PCMTD2: variants seen among roughly 807,000 people sequenced by gnomAD.
PCMTD2 encodes protein-L-isoaspartate O-methyltransferase domain-containing protein 2.
PCMTD2 carries 16 observed loss-of-function variants against 33.4 expected under a neutral mutation model. The ratio of observed to expected loss-of-function variants is 0.48; its 90% CI spans 0.32 to 0.73. The LOEUF (loss-of-function observed/expected upper bound fraction) is 0.73. PCMTD2 is among the 30% of genes least tolerant of loss of function. The probability of loss-of-function intolerance (pLI) is 0.03; values close to 1 mark genes in which losing one functional copy is unlikely to be tolerated. For missense variants in PCMTD2, 374 were observed against 449.9 expected (o/e 0.83, Z 1.53); for synonymous variants, 161 against 160.8 (o/e 1.00, Z -0.01).
At chr20:64,264,816 C>T (rs1025006289) in intron 3 of PCMTD2, among the ~76,000 whole-genome samples, 1 of 152,170 alleles carries the variant, frequency 6.6e-6, no homozygotes. Context: ...TTGCATTTGT[C>T]TCTAAACAGT....
intron 5 of PCMTD2, among the ~76,000 whole-genome samples, chr20:64,272,742 C>T (rs894108303): frequency 6.6e-6 from 1 of 152,164 alleles, no homozygotes; most frequent in Non-Finnish European, 1.5e-5. Context: ...ATCACTTGAA[C>T]CCAGGAGACG....
At chr20:64,269,786 T>G (rs1985811435) in intron 5 of PCMTD2, among the ~76,000 whole-genome samples, 1 of 147,850 alleles carries the variant, frequency 6.8e-6, no homozygotes, top group Non-Finnish European at 1.5e-5. Flanking sequence ...GTAATGTGTG[T>G]GTGGGTGTGC....
rs1014388435 is a variant in PCMTD2 at position 64,275,027 on chromosome 20, T to G, written c.*1427T>G. 2 of 152,224 alleles carry G rather than the reference T, an allele frequency of 1.3e-5. No individual in the cohort carries two copies. Among genetic ancestry groups the G allele is most frequent in the African/African-American group, 4.8e-5 (2 of 41,458 alleles). 9.4% of individuals were successfully genotyped at this position (152,224 alleles called of 1,614,324 possible). A position where few individuals can be genotyped will look rare whatever the true frequency, so the allele number is the denominator to read the frequency against. On this transcript the variant is annotated 3_prime_UTR_variant, in exon 6 of 6. Transcript: ENST00000308824. ...TTGGGAGTTGCTGGGCTTCAGTGTCTCTGTGGTTTCACCAGCTTAGCTTGA... is the reference window on the plus strand; with the variant it reads ...TTGGGAGTTGCTGGGCTTCAGTGTCGCTGTGGTTTCACCAGCTTAGCTTGA...
At chr20:64,261,128 G>A (rs962737111) in intron 2 of PCMTD2, among the ~76,000 whole-genome samples, 1 of 152,160 alleles carries the variant, frequency 6.6e-6, no homozygotes, top group African/African-American at 2.4e-5. Context: ...ATGGAAATAT[G>A]GCTATTTTTA....
At chr20:64,259,354 T>C (rs1294665370) in intron 1 of PCMTD2, among the ~76,000 whole-genome samples, 2 of 151,826 alleles carry the variant, frequency 1.3e-5, no homozygotes, top group African/African-American at 4.8e-5. Context: ...AGATGTAATA[T>C]AGGACACCAC....
At chr20:64,261,904 A>G (rs1465954323) in intron 2 of PCMTD2, among the ~76,000 whole-genome samples, 1 of 152,212 alleles carries the variant, frequency 6.6e-6, no homozygotes, top group Non-Finnish European at 1.5e-5. Flanking sequence ...CAAGCTGACT[A>G]GATTAGAAAT....
Position 64,275,235 on chromosome 20 carries a change from A to G in PCMTD2, c.*1635A>G, listed in dbSNP as rs1986062542. 2.6e-5 allele frequency: 4 copies of G among 152,328 alleles called. No homozygotes were observed. The highest frequency in any genetic ancestry group is 9.6e-5 in the African/African-American group (4 of 41,574). The allele number at this position is 152,328 out of a possible 1,614,324, so 9.4% of individuals were successfully genotyped here. On this transcript the variant is annotated 3_prime_UTR_variant, in exon 6 of 6. Transcript: ENST00000308824. ...ACTCATAGTCAAGCTTCAGTCTTTC[A>G]AAGAGAAATGTGTGATTTTCATTTA...
At chr20:64,263,828 AAC>A (rs1399148829) in intron 2 of PCMTD2, among the ~76,000 whole-genome samples, 1 of 152,206 alleles carries the variant, frequency 6.6e-6, no homozygotes, top group African/African-American at 2.4e-5. Context: ...GGATTCCCGC[AAC>A]AGAGAGACCC....
intron 1 of PCMTD2, 57 bp from the exon 2 acceptor site, chr20:64,259,885 A>G (rs188629555): frequency 4.7e-5 from 39 of 833,576 alleles, no homozygotes; most frequent in East Asian, 2.0e-4. Context: ...TAGAACTTCT[A>G]TTGTTCTGCT....
In PCMTD2 at chr20:64,273,217, G is replaced by T. The variant is rs760354712; in HGVS notation, c.707-4G>T. On this transcript the variant is annotated splice_polypyrimidine_tract_variant and splice_region_variant and intron_variant, in intron 5 of 5. Transcript: ENST00000308824. ...TGACTGTGTCTCACTCTTCTGTGCT[G>T]CAGCACCAGTGGCAGTTCGCAGCCT... 6.2e-7 allele frequency: 1 copy of T among 1,611,382 alleles called. No individual in the cohort carries two copies. The highest frequency in any genetic ancestry group is 1.1e-5 in the South Asian group (1 of 90,776).
chr20:64,265,327 T>C lies in PCMTD2; in HGVS notation c.480T>C (p.Tyr160=), dbSNP rs1384851235. The C allele has an allele frequency of 1.2e-6, 2 of 1,612,904 alleles. No individual in the cohort carries two copies. The highest frequency in any genetic ancestry group is 2.2e-5 in the East Asian group (1 of 44,876). The change falls in exon 4 of 6, where the codon TAT becomes TAC. Residue 160 remains tyrosine (Y), a synonymous_variant. Transcript: ENST00000308824. ...CLEISPDCSQ[Y]DRVYCGAGVQ... is the part of the protein sequence containing the mutation. The stretch of plus-strand genomic sequence containing the variant: ...AGATTTCTCCGGATTGTTCTCAGTA[T>C]GATCGTGTATACTGTGGGGCTGGCG...
intron 4 of PCMTD2, among the ~76,000 whole-genome samples, chr20:64,266,682 A>G (rs899980787): frequency 2.6e-5 from 4 of 152,212 alleles, no homozygotes; most frequent in Non-Finnish European, 5.9e-5. Flanking sequence ...ACCTGGCAGA[A>G]TATTGTTTTA....
At position 64,274,432 on chromosome 20, in the gene PCMTD2, C is replaced by T. The variant is rs1281953906; in HGVS notation, c.*832C>T. ...AAGCAATAAGTGAAGTTACATTTGC[C>T]CTAACCCTAGGGATGATTCTTTACC... is the stretch of plus-strand genomic sequence containing the variant. On this transcript the variant is annotated 3_prime_UTR_variant, in exon 6 of 6. Coordinates refer to ENST00000308824, the MANE Select transcript of PCMTD2 (RefSeq NM_018257.3). 1.3e-5 allele frequency: 2 copies of T among 151,784 alleles called. No individual in the cohort carries two copies. The highest frequency in any genetic ancestry group is 2.9e-5 in the Non-Finnish European group (2 of 68,000). 9.4% of individuals were successfully genotyped at this position (151,784 alleles called of 1,614,324 possible). A position where few individuals can be genotyped will look rare whatever the true frequency, so the allele number is the denominator to read the frequency against.
chr20:64,266,449 G>T (rs577730309), intron 4 of PCMTD2, among the ~76,000 whole-genome samples: 52 of 152,178 alleles, frequency 3.4e-4, no homozygotes, highest in African/African-American at 1.3e-3. Context: ...GTAGAGACAG[G>T]GTTTCACCAT....
At chr20:64,270,262 C>T (rs114471285) in intron 5 of PCMTD2, among the ~76,000 whole-genome samples, 2,329 of 127,854 alleles carry the variant, frequency 0.018, 67 homozygotes, top group African/African-American at 0.067. Context: ...TGAGTGTGGG[C>T]ACGTGTGATG....
chr20:64,262,827 T>G (rs1382877378), intron 2 of PCMTD2: 1 of 152,322 alleles, frequency 6.6e-6, no homozygotes, highest in Non-Finnish European at 1.5e-5. Flanking sequence ...ACCTGAAAAG[T>G]GCTGGGTGAT....
chr20:64,275,983 AAC>A lies in PCMTD2; in HGVS notation c.*2387_*2388del, dbSNP rs1986081114. ...AAACATAGATTTTAATGAGCTGGTA[AAC>A]ACAAATCATGTCAATAAAGGTAGTC... is the stretch of plus-strand genomic sequence containing the variant. On this transcript the variant is annotated 3_prime_UTR_variant, in exon 6 of 6. Transcript: ENST00000308824. 6.6e-6 allele frequency: 1 copy of A among 152,238 alleles called. No homozygotes were observed. Among genetic ancestry groups the A allele is most frequent in the Non-Finnish European group, 1.5e-5 (1 of 68,038 alleles). The allele number at this position is 152,238 out of a possible 1,614,324, so 9.4% of individuals were successfully genotyped here.
chr20:64,265,216 A>C, intron 3 of PCMTD2, 42 bp from the exon 4 acceptor site: 1 of 1,490,512 alleles, frequency 6.7e-7, no homozygotes, highest in Non-Finnish European at 9.2e-7. Flanking sequence ...GACTTGTTGC[A>C]ATGTGATACT....
chr20:64,261,691 GGT>G (rs1985423452), intron 2 of PCMTD2, among the ~76,000 whole-genome samples: 1 of 152,120 alleles, frequency 6.6e-6, no homozygotes, highest in Non-Finnish European at 1.5e-5. Flanking sequence ...GCTACCTTCA[GGT>G]GTAAAAGTGT....
Sources: allele counts gnomAD v4.1 joint callset (sites outside exome capture counted in the v4.1 genomes callset), GRCh38; gene constraint gnomAD v4.1.1; transcripts MANE v1.5; gene names NCBI Gene and HGNC (gene_info 2026-07-23, HGNC 2026-07-21).